Variants in SAP130 observed in about 807,000 individuals in gnomAD.
SAP130 encodes Sin3A associated protein 130.
Under a neutral mutation model 103.2 loss-of-function variants are expected in SAP130, and 16 were observed. The ratio of observed to expected loss-of-function variants is 0.16; its 90% CI spans 0.10 to 0.24. SAP130 has a LOEUF of 0.24. Ranked by LOEUF, SAP130 falls within the 10% of genes least tolerant of loss-of-function variation. The pLI is 1.00. For synonymous variants in SAP130, 477 were observed against 497.0 expected (o/e 0.96, Z 0.53); for missense variants, 990 against 1,359.7 (o/e 0.73, Z 4.28).
intron 12 of SAP130, 67 bp downstream of exon 12, chr2:127,993,120 T>C: frequency 6.4e-7 from 1 of 1,572,494 alleles, no homozygotes; most frequent in Admixed American, 1.7e-5. Context: ...TAACCCCTCA[T>C]CAATTTCTAC....
chr2:127,991,282 T>C (rs1682781360), intron 12 of SAP130, among the ~76,000 whole-genome samples: 1 of 152,182 alleles, frequency 6.6e-6, no homozygotes, highest in Non-Finnish European at 1.5e-5. Flanking sequence ...TTAATTTTGA[T>C]CATATATTTT....
At chr2:128,012,726 A>C (rs1573830221) in intron 6 of SAP130, among the ~76,000 whole-genome samples, 1 of 151,456 alleles carries the variant, frequency 6.6e-6, no homozygotes, top group South Asian at 2.1e-4. Flanking sequence ...AAATCCCTCA[A>C]TCCTAGCTAG....
rs571283317 is a variant in SAP130 at position 127,944,434 on chromosome 2, T to C, written c.2901+1022A>G. Among the ~76,000 whole-genome samples, 50 of 8,284 alleles carry C rather than the reference T, an allele frequency of 6.0e-3. 1 individual carries two copies. The highest frequency in any genetic ancestry group is 0.17 in the Middle Eastern group (1 of 6). 5.4% of individuals were successfully genotyped at this position (8,284 alleles called of 152,430 possible). A position where few individuals can be genotyped will look rare whatever the true frequency, so the allele number is the denominator to read the frequency against. The stretch of plus-strand genomic sequence containing the variant: ...ACATAGTGAGACCCTGTCTCTACAA[T>C]TTTTTTTTTCCCCGAGAGGGAGTTT... On this transcript the variant is annotated intron_variant, in intron 19 of 20. Transcript: ENST00000643581.
At chr2:127,984,410 TC>T (rs1682224464) in intron 14 of SAP130, among the ~76,000 whole-genome samples, 1 of 152,228 alleles carries the variant, frequency 6.6e-6, no homozygotes, top group Non-Finnish European at 1.5e-5. Context: ...CCGTTAGAGG[TC>T]CCCTCAGATA....
At position 127,986,793 on chromosome 2, in the gene SAP130, G is replaced by A. The variant is rs766611393; in HGVS notation, c.1950C>T (p.Ala650=). The A allele has an allele frequency of 3.3e-5, 54 of 1,613,784 alleles. No individual in the cohort carries two copies. The highest frequency in any genetic ancestry group is 4.2e-5 in the Non-Finnish European group (50 of 1,179,818). ...PRPSILRKKP[A]TDGMAVRKTL... ...CTACCAGGTCTACTCACCCATCTGT[G>A]GCAGGTTTCTTCCGGAGTATGCTTG... The change falls in exon 14 of 21, where the codon GCC becomes GCT. Residue 650 remains alanine (A), a synonymous_variant. Coordinates refer to ENST00000643581, the MANE Select transcript of SAP130 (RefSeq NM_001330301.2). The surrounding 1 kb of genome is among the most constrained non-coding windows in gnomAD (Gnocchi z 4.7).
rs184787338 is a variant in SAP130 at position 127,953,371 on chromosome 2, G to A, written c.2422+1615C>T. Among the ~76,000 whole-genome samples, 64 of 152,284 alleles carry A rather than the reference G, an allele frequency of 4.2e-4. No individual in the cohort carries two copies. Among genetic ancestry groups the A allele is most frequent in the African/African-American group, 1.5e-3 (62 of 41,556 alleles). On this transcript the variant is annotated intron_variant, in intron 16 of 20. Transcript: ENST00000643581. The surrounding 1 kb of genome is among the most constrained non-coding windows in gnomAD (Gnocchi z 4.0). ...GCTCCTGGCAATTAATGCAACAGCCGCTTGACAGGTCTCCCCGATTCCATC... is the reference window on the plus strand; with the variant it reads ...GCTCCTGGCAATTAATGCAACAGCCACTTGACAGGTCTCCCCGATTCCATC...
In SAP130 at chr2:127,941,915, A is replaced by G; in HGVS notation, c.*91T>C. The G allele has an allele frequency of 1.1e-6, 1 of 870,038 alleles. No homozygotes were observed. The highest frequency in any genetic ancestry group is 1.8e-6 in the Non-Finnish European group (1 of 549,998). The allele number at this position is 870,038 out of a possible 1,614,324, so 53.9% of individuals were successfully genotyped here. On this transcript the variant is annotated 3_prime_UTR_variant, in exon 21 of 21. Coordinates refer to ENST00000643581, the MANE Select transcript of SAP130 (RefSeq NM_001330301.2). ...AACTAAGGAACACTTCCTTTATTTC[A>G]ATGTTCCACTTTGGAAAAAACCAAA...
Position 127,986,689 on chromosome 2 carries a change from A to AT in SAP130, c.1958+95dup. On this transcript the variant is annotated intron_variant, in intron 14 of 20. Coordinates refer to ENST00000643581, the MANE Select transcript of SAP130 (RefSeq NM_001330301.2). The surrounding 1 kb of genome is among the most constrained non-coding windows in gnomAD (Gnocchi z 4.7). ...TTTAACACACCACAGAAAATGAGAG[A>AT]TGAGTTTGATACCAGCATTAGATAA... 1 of 1,301,794 alleles carries AT rather than the reference A, an allele frequency of 7.7e-7. No individual in the cohort carries two copies. Among genetic ancestry groups the AT allele is most frequent in the Non-Finnish European group, 1.1e-6 (1 of 932,230 alleles). 80.6% of individuals were successfully genotyped at this position (1,301,794 alleles called of 1,614,324 possible).
At chr2:127,951,729 T>C (rs1679508482) in intron 16 of SAP130, among the ~76,000 whole-genome samples, 1 of 152,366 alleles carries the variant, frequency 6.6e-6, no homozygotes. Flanking sequence ...CGCAACTGAA[T>C]GTCGCCAGAG....
At chr2:127,973,602 T>C (rs111279953) in intron 15 of SAP130, among the ~76,000 whole-genome samples, 1 of 152,214 alleles carries the variant, frequency 6.6e-6, no homozygotes, top group Non-Finnish European at 1.5e-5. Context: ...CATCTAGATA[T>C]TGCAAAAGTA....
In SAP130 at chr2:127,942,523, A is replaced by G. The variant is rs753309444; in HGVS notation, c.2916T>C (p.His972=). ...GGTTAGTAAGTCTTTCATAGACATC[A>G]TGTTCTAGATTCGTCTGCAACACAC... ...AQLLQLTNLE[H]DVYERLTNLQ... is the part of the protein sequence containing the mutation. Residue 972 remains histidine, a synonymous_variant, in exon 20 of 21, where the codon CAT becomes CAC. Transcript: ENST00000643581. The surrounding 1 kb of genome is among the most constrained non-coding windows in gnomAD (Gnocchi z 4.8). 6.2e-7 allele frequency: 1 copy of G among 1,606,668 alleles called. No homozygotes were observed. Among genetic ancestry groups the G allele is most frequent in the African/African-American group, 1.3e-5 (1 of 74,874 alleles).
chr2:127,950,495 A>C, intron 16 of SAP130, 87 bp from the exon 17 acceptor site: 2 of 1,445,074 alleles, frequency 1.4e-6, no homozygotes, highest in East Asian at 2.3e-5. Context: ...AAGATGATTA[A>C]GAAGACAGCA....
chr2:127,965,854 CCTT>C (rs1680619906), intron 15 of SAP130, among the ~76,000 whole-genome samples: 1 of 151,414 alleles, frequency 6.6e-6, no homozygotes. Flanking sequence ...ATCTATTTCC[CCTT>C]ATTATTATTT....
intron 6 of SAP130, among the ~76,000 whole-genome samples, chr2:128,011,858 G>A (rs947045549): frequency 6.6e-6 from 1 of 152,148 alleles, no homozygotes; most frequent in Non-Finnish European, 1.5e-5. Context: ...TCTCGTCCCA[G>A]CTAGAGTGCA....
At chr2:127,948,601 C>T (rs1342848152) in intron 18 of SAP130, among the ~76,000 whole-genome samples, 1 of 152,022 alleles carries the variant, frequency 6.6e-6, no homozygotes, top group Non-Finnish European at 1.5e-5. Flanking sequence ...CTCGGCCTCA[C>T]AAAGTGCTGG....
Position 127,963,164 on chromosome 2 carries a change from C to T in SAP130, c.2064-7820G>A, listed in dbSNP as rs867806367. 1.8e-4 allele frequency among the ~76,000 whole-genome samples: 27 copies of T among 152,290 alleles called. No individual in the cohort carries two copies. In the Middle Eastern group the frequency reaches 0.01, roughly 58 times the overall value. On this transcript the variant is annotated intron_variant, in intron 15 of 20. Transcript: ENST00000643581. ...TTCCCAATTCATCATTTGTCTTCCA[C>T]TTTGCTTATCAAGTTTTTTCTTGAC...
chr2:127,957,039 C>T (rs962495441), intron 15 of SAP130, among the ~76,000 whole-genome samples: 5 of 152,332 alleles, frequency 3.3e-5, no homozygotes, highest in Non-Finnish European at 7.3e-5. Flanking sequence ...TGGCTCATGC[C>T]TATAAATTCC....
chr2:127,955,179 C>A lies in SAP130; in HGVS notation c.2229G>T (p.Pro743=), dbSNP rs764204259. ...TTGAAAGGGCAACGGCTGGTTGTGA[C>A]GGGGGACTGGCTGCTGCAATCATAG... ...IPTMIAAASP[P]SQPAVALSTI... The change falls in exon 16 of 21, where the codon CCG becomes CCT. Residue 743 remains proline, a synonymous_variant. Transcript: ENST00000643581. The surrounding 1 kb of genome is among the most constrained non-coding windows in gnomAD (Gnocchi z 4.9). The A allele has an allele frequency of 1.2e-6, 2 of 1,613,996 alleles. No individual in the cohort carries two copies. The highest frequency in any genetic ancestry group is 1.7e-6 in the Non-Finnish European group (2 of 1,179,992).
intron 16 of SAP130, 50 bp from the exon 17 acceptor site, chr2:127,950,458 G>T: frequency 6.2e-7 from 1 of 1,602,442 alleles, no homozygotes; most frequent in Non-Finnish European, 8.5e-7. Context: ...AAAGATAACA[G>T]AAAGTTTCAC....
Sources: allele counts gnomAD v4.1 joint callset (sites outside exome capture counted in the v4.1 genomes callset), GRCh38; gene constraint gnomAD v4.1.1; non-coding constraint Gnocchi (gnomAD v3.1); transcripts MANE v1.5; gene names NCBI Gene and HGNC (gene_info 2026-07-23, HGNC 2026-07-21).